The following LRSAM1 variants were observed in gnomAD, a reference collection of about 807,000 sequenced individuals.
The protein encoded by LRSAM1 is E3 ubiquitin-protein ligase LRSAM1.
A neutral mutation model predicts 118.1 loss-of-function variants in LRSAM1; 96 were observed. The observed-to-expected ratio is 0.81, with a 90% CI of 0.69 to 0.96. LRSAM1 has a LOEUF of 0.96. LRSAM1 is among the 40% of genes least tolerant of loss of function. The pLI, the probability that LRSAM1 is intolerant of heterozygous loss-of-function variation, is 0.00. For synonymous variants in LRSAM1, 322 were observed against 364.2 expected (o/e 0.88, Z 1.32); for missense variants, 804 against 915.5 (o/e 0.88, Z 1.57).
At chr9:127,476,121 A>G (rs1835341860) in intron 11 of LRSAM1, among the ~76,000 whole-genome samples, 1 of 152,208 alleles carries the variant, frequency 6.6e-6, no homozygotes, top group Non-Finnish European at 1.5e-5. Flanking sequence ...TGCTTGCATG[A>G]GGAGACATTT....
intron 18 of LRSAM1, 85 bp downstream of exon 18, chr9:127,487,848 C>G (rs1036125763): frequency 1.7e-6 from 2 of 1,179,994 alleles, no homozygotes; most frequent in African/African-American, 3.0e-5. Flanking sequence ...CACACGGAGC[C>G]CTTCCTAGAC....
chr9:127,471,472 T>TAAAA (rs71380064), intron 10 of LRSAM1, among the ~76,000 whole-genome samples: 9 of 68,032 alleles, frequency 1.3e-4, no homozygotes, highest in African/African-American at 1.8e-4. Flanking sequence ...CCTTATGTTA[T>TAAAA]AAAAAAAAAA....
chr9:127,460,069 G>A (rs532341280), intron 7 of LRSAM1, among the ~76,000 whole-genome samples: 1 of 150,010 alleles, frequency 6.7e-6, no homozygotes, highest in Non-Finnish European at 1.5e-5. Context: ...GTGTGATCTC[G>A]GCTCACTGCA....
At chr9:127,482,246 G>A (rs953384802) in intron 15 of LRSAM1, among the ~76,000 whole-genome samples, 28 of 150,576 alleles carry the variant, frequency 1.9e-4, no homozygotes, top group Middle Eastern at 3.2e-3. Flanking sequence ...AGGTTCAGGC[G>A]ATTCTCCTGC....
intron 23 of LRSAM1, 114 bp from the exon 24 acceptor site, chr9:127,497,139 A>G: frequency 9.2e-7 from 1 of 1,086,474 alleles, no homozygotes; most frequent in South Asian, 1.3e-5. Flanking sequence ...AGGCTTCCAC[A>G]TTTCCAGCAG....
intron 23 of LRSAM1, among the ~76,000 whole-genome samples, chr9:127,496,585 C>T (rs1312380661): frequency 6.6e-6 from 1 of 152,172 alleles, no homozygotes; most frequent in South Asian, 2.1e-4. Flanking sequence ...TTTTTGTATT[C>T]GAACTCACTG....
chr9:127,466,504 A>ATATAT (rs1554755061), intron 9 of LRSAM1, among the ~76,000 whole-genome samples: 5 of 24,530 alleles, frequency 2.0e-4, no homozygotes, highest in African/African-American at 4.6e-4. Context: ...ATATATATAT[A>ATATAT]TTTTTTTTTT....
chr9:127,497,456 G>T, intron 24 of LRSAM1, 122 bp downstream of exon 24: 11 of 1,007,752 alleles, frequency 1.1e-5, no homozygotes, highest in Non-Finnish European at 1.6e-5. Context: ...GCCTCTGCTG[G>T]TCGGTAAGGT....
intron 9 of LRSAM1, among the ~76,000 whole-genome samples, chr9:127,464,666 C>T (rs2132020835): frequency 6.6e-6 from 1 of 151,730 alleles, no homozygotes; most frequent in Non-Finnish European, 1.5e-5. Flanking sequence ...TTCTTTGAGA[C>T]AGGCTCTCAT....
At chr9:127,494,523 A>G (rs2132107919) in intron 21 of LRSAM1, among the ~76,000 whole-genome samples, 1 of 152,388 alleles carries the variant, frequency 6.6e-6, no homozygotes, top group Admixed American at 6.5e-5. Context: ...GGTCTGGCAC[A>G]TGGCACTGTG....
Position 127,479,996 on chromosome 9 carries a change from G to T in LRSAM1, c.1043+18G>T. The stretch of plus-strand genomic sequence containing the variant: ...AATCAGAGGTTGGGCTCTGCTCCTC[G>T]GCCCCAGCCCCAGAGTCCTTCCCCG... On this transcript the variant is annotated intron_variant, in intron 14 of 25. Transcript: ENST00000300417. The T allele has an allele frequency of 6.2e-7, 1 of 1,614,122 alleles. No individual in the cohort carries two copies. Among genetic ancestry groups the T allele is most frequent in the Non-Finnish European group, 8.5e-7 (1 of 1,180,016 alleles).
chr9:127,454,916 A>T, intron 3 of LRSAM1, 82 bp from the exon 4 acceptor site: 1 of 1,339,388 alleles, frequency 7.5e-7, no homozygotes, highest in Non-Finnish European at 1.1e-6. Flanking sequence ...GCAGCTGCTT[A>T]CATTTATGTT....
At chr9:127,469,057 G>A (rs1044079535) in intron 10 of LRSAM1, among the ~76,000 whole-genome samples, 2 of 152,150 alleles carry the variant, frequency 1.3e-5, no homozygotes, top group African/African-American at 2.4e-5. Flanking sequence ...AAGCCATAAA[G>A]TTAGAGATGA....
intron 15 of LRSAM1, among the ~76,000 whole-genome samples, chr9:127,481,527 C>T (rs947358051): frequency 1.3e-5 from 2 of 151,952 alleles, no homozygotes; most frequent in Non-Finnish European, 2.9e-5. Flanking sequence ...GGATTGCAGG[C>T]GTGAGCCACT....
At chr9:127,462,976 A>G (rs1475381250) in intron 9 of LRSAM1, among the ~76,000 whole-genome samples, 1 of 152,078 alleles carries the variant, frequency 6.6e-6, no homozygotes, top group Non-Finnish European at 1.5e-5. Context: ...CAGGTGGATC[A>G]CTTGAGGTTA....
At chr9:127,455,681 A>C in intron 5 of LRSAM1, 61 bp downstream of exon 5, 1 of 1,541,620 alleles carries the variant, frequency 6.5e-7, no homozygotes, top group Non-Finnish European at 9.0e-7. Context: ...TTGAACCCAC[A>C]AGGGACTTTG....
intron 24 of LRSAM1, among the ~76,000 whole-genome samples, chr9:127,498,309 G>A (rs1413295334): frequency 6.6e-6 from 1 of 152,198 alleles, no homozygotes; most frequent in Non-Finnish European, 1.5e-5. Context: ...TTAGCTTTTT[G>A]ATATCAAGTC....
intron 4 of LRSAM1, among the ~76,000 whole-genome samples, chr9:127,455,322 C>A (rs1834475521): frequency 6.6e-6 from 1 of 152,024 alleles, no homozygotes; most frequent in Non-Finnish European, 1.5e-5. Flanking sequence ...ATTCTCCAGC[C>A]CCTGAAGGGG....
chr9:127,480,073 C>G (rs1835482373), intron 14 of LRSAM1, 95 bp downstream of exon 14: 1 of 1,553,100 alleles, frequency 6.4e-7, no homozygotes. Flanking sequence ...ACTGCCTCTG[C>G]CCCTGCCCCG....
Sources: allele counts gnomAD v4.1 joint callset (sites outside exome capture counted in the v4.1 genomes callset), GRCh38; gene constraint gnomAD v4.1.1; transcripts MANE v1.5; gene names NCBI Gene and HGNC (gene_info 2026-07-23, HGNC 2026-07-21).